The following TMEM178B variants were observed in gnomAD, a reference collection of about 807,000 sequenced individuals.
TMEM178B encodes the protein transmembrane protein 178B.
Under a neutral mutation model 31.0 loss-of-function variants are expected in TMEM178B, and 5 were observed. The observed-to-expected ratio is 0.16, with a 90% CI of 0.08 to 0.34. The LOEUF (loss-of-function observed/expected upper bound fraction) is 0.34, where lower values mean the gene tolerates loss of function less well. Among genes scored for constraint, TMEM178B ranks in the 10% least tolerant of loss-of-function variants. TMEM178B has a pLI of 1.00. For missense variants in TMEM178B, 275 were observed against 400.3 expected, an observed-to-expected ratio of 0.69 and a Z score of 2.67; for synonymous variants, 164 against 164.0, an observed-to-expected ratio of 1.00 and a Z score of 0.00.
At chr7:141,097,220 C>T (rs1167623928) in intron 1 of TMEM178B, among the ~76,000 whole-genome samples, 2 of 150,890 alleles carry the variant, frequency 1.3e-5, no homozygotes, top group East Asian at 2.0e-4. Flanking sequence ...AATCCTATAT[C>T]GCAGCTAACA....
At chr7:141,390,625 C>G (rs772554152) in intron 2 of TMEM178B, among the ~76,000 whole-genome samples, 1 of 152,222 alleles carries the variant, frequency 6.6e-6, no homozygotes, top group African/African-American at 2.4e-5. Context: ...GCCAGAAATT[C>G]TCAAACTACC....
chr7:141,136,616 C>T (rs1563096994), intron 1 of TMEM178B, among the ~76,000 whole-genome samples: 1 of 152,114 alleles, frequency 6.6e-6, no homozygotes, highest in Non-Finnish European at 1.5e-5. Flanking sequence ...GAATTACAAA[C>T]AATTAATCAG....
In TMEM178B at chr7:141,344,288, GA is replaced by G. The variant is rs1465847519; in HGVS notation, c.497-93319del. Among the ~76,000 whole-genome samples the G allele has an allele frequency of 6.6e-6, 1 of 152,146 alleles. No homozygotes were observed. Among genetic ancestry groups the G allele is most frequent in the East Asian group, 1.9e-4 (1 of 5,180 alleles). ...CAGAACAGTGAGGATTAGAGTGATT[GA>G]GTAACTGGTCCTTAGCCACAGAGTT... On this transcript the variant is annotated intron_variant, in intron 2 of 3. Coordinates refer to ENST00000565468, the MANE Select transcript of TMEM178B (RefSeq NM_001195278.2). This position sits in a 1 kb window ranked among gnomAD's most constrained non-coding sequence, Gnocchi z 4.1.
intron 2 of TMEM178B, among the ~76,000 whole-genome samples, chr7:141,408,143 C>T (rs1030477327): frequency 4.6e-5 from 7 of 151,886 alleles, no homozygotes; most frequent in East Asian, 3.9e-4. Context: ...TCATTTGTTC[C>T]GAAGTCCCCT....
chr7:141,260,420 T>G (rs560627300), intron 2 of TMEM178B, among the ~76,000 whole-genome samples: 2 of 147,470 alleles, frequency 1.4e-5, no homozygotes, highest in Non-Finnish European at 3.0e-5. Flanking sequence ...TATTTTTTTT[T>G]GACCATTTTT....
At chr7:141,340,424 T>G (rs1266275761) in intron 2 of TMEM178B, among the ~76,000 whole-genome samples, 1 of 152,200 alleles carries the variant, frequency 6.6e-6, no homozygotes, top group Non-Finnish European at 1.5e-5. Flanking sequence ...CTGTAGAAAT[T>G]TAATCTATAA....
chr7:141,132,385 A>T (rs891899552), intron 1 of TMEM178B, among the ~76,000 whole-genome samples: 4 of 152,238 alleles, frequency 2.6e-5, no homozygotes, highest in African/African-American at 7.2e-5. Flanking sequence ...TATTTGTTTA[A>T]TGAAAGCATT....
chr7:141,178,035 A>G (rs947153401), intron 1 of TMEM178B, among the ~76,000 whole-genome samples: 2 of 152,174 alleles, frequency 1.3e-5, no homozygotes, highest in African/African-American at 4.8e-5. Flanking sequence ...TCTTCATAGC[A>G]TCGATGGCCT....
intron 1 of TMEM178B, among the ~76,000 whole-genome samples, chr7:141,085,862 G>A (rs1794776937): frequency 6.6e-6 from 1 of 151,890 alleles, no homozygotes; most frequent in Admixed American, 6.6e-5. Context: ...CCTGTGGCCC[G>A]GCCCTTCCAC....
rs576571129 is a variant in TMEM178B, at chr7:141,202,829, T to G, written c.383-9762T>G. 4.6e-5 allele frequency among the ~76,000 whole-genome samples: 7 copies of G among 152,288 alleles called. No individual in the cohort carries two copies. In the East Asian group the frequency reaches 1.2e-3, roughly 25 times the overall value. On this transcript the variant is annotated intron_variant, in intron 1 of 3. Transcript: ENST00000565468. Reference sequence around the variant, plus strand: ...CTCCTGTCAACATTGCCGGTCTTGGTGGAGGTTGCCAAGGGTGTGCCTTCT... The same window carrying G: ...CTCCTGTCAACATTGCCGGTCTTGGGGGAGGTTGCCAAGGGTGTGCCTTCT...
At chr7:141,239,637 C>T (rs1055378902) in intron 2 of TMEM178B, among the ~76,000 whole-genome samples, 2 of 152,004 alleles carry the variant, frequency 1.3e-5, no homozygotes, top group Non-Finnish European at 2.9e-5. Context: ...TGGCATCCCA[C>T]GGCACCCACC....
At chr7:141,393,452 G>A (rs1190531590) in intron 2 of TMEM178B, among the ~76,000 whole-genome samples, 3 of 152,150 alleles carry the variant, frequency 2.0e-5, no homozygotes, top group African/African-American at 2.4e-5. Context: ...AGATCAAAGA[G>A]GAAGGAAGGA....
At chr7:141,503,699 T>C in the TMEM178B span, among the ~76,000 whole-genome samples, 123 of 152,324 alleles carry the variant, frequency 8.1e-4, no homozygotes, top group Middle Eastern at 0.014. Flanking sequence ...TGACCAACTA[T>C]AGGGAATAAA....
At chr7:141,218,010 A>G (rs1797188899) in intron 2 of TMEM178B, among the ~76,000 whole-genome samples, 1 of 151,882 alleles carries the variant, frequency 6.6e-6, no homozygotes, top group South Asian at 2.1e-4. Flanking sequence ...CACACAGCAC[A>G]TTTCCAGCTG....
intron 1 of TMEM178B, among the ~76,000 whole-genome samples, chr7:141,207,043 T>C (rs1445584915): frequency 6.6e-6 from 1 of 152,206 alleles, no homozygotes; most frequent in Non-Finnish European, 1.5e-5. Context: ...GTATTTGCCC[T>C]TCTGTGACTG....
chr7:141,100,399 C>T (rs1429953377), intron 1 of TMEM178B, among the ~76,000 whole-genome samples: 1 of 152,082 alleles, frequency 6.6e-6, no homozygotes, highest in Admixed American at 6.6e-5. Context: ...CACTCATACA[C>T]ATTTCTTTTT....
intron 2 of TMEM178B, among the ~76,000 whole-genome samples, chr7:141,379,354 A>G (rs1008647142): frequency 6.6e-6 from 1 of 152,082 alleles, no homozygotes; most frequent in Admixed American, 6.6e-5. Context: ...GCATGGCAGC[A>G]TGCACCTGTA....
At chr7:141,117,089 C>T (rs533824823) in intron 1 of TMEM178B, among the ~76,000 whole-genome samples, 2 of 152,332 alleles carry the variant, frequency 1.3e-5, no homozygotes, top group African/African-American at 4.8e-5. Context: ...GGAATCACCA[C>T]ACTGTCTTCC....
At chr7:141,130,741 T>C (rs910412920) in intron 1 of TMEM178B, among the ~76,000 whole-genome samples, 2 of 152,160 alleles carry the variant, frequency 1.3e-5, no homozygotes, top group African/African-American at 2.4e-5. Flanking sequence ...CTGAGACTTA[T>C]TGAAAGCTTA....
Sources: gnomAD v4.1 joint callset for allele counts (sites outside exome capture counted in the v4.1 genomes callset) on GRCh38, gnomAD v4.1.1 for gene constraint, Gnocchi (gnomAD v3.1) non-coding constraint, MANE v1.5 for transcripts, NCBI Gene and HGNC (gene_info 2026-07-23, HGNC 2026-07-21) for gene names.